The following ACCSL variants were observed in gnomAD, a reference collection of about 807,000 sequenced individuals.
ACCSL encodes 1-aminocyclopropane-1-carboxylate synthase homolog (inactive) like, also known as probable inactive 1-aminocyclopropane-1-carboxylate synthase-like protein 2.
A neutral mutation model predicts 61.7 loss-of-function variants in ACCSL; 55 were observed. The observed-to-expected ratio is 0.89, with a 90% CI of 0.72 to 1.12. The LOEUF (loss-of-function observed/expected upper bound fraction) is 1.12, where lower values mean the gene tolerates loss of function less well. Among genes scored for constraint, ACCSL ranks in the 50% most tolerant of loss-of-function variants. The pLI is 0.00. For synonymous variants in ACCSL, 258 were observed against 264.3 expected, an observed-to-expected ratio of 0.98 and a Z score of 0.23; for missense variants, 632 against 698.0, an observed-to-expected ratio of 0.91 and a Z score of 1.07.
chr11:43,976,716 G>T, the ACCSL span, among the ~76,000 whole-genome samples: 1 of 152,152 alleles, frequency 6.6e-6, no homozygotes, highest in Non-Finnish European at 1.5e-5. Context: ...CCTGGGCCCA[G>T]GCCTGGAAGG....
the ACCSL span, among the ~76,000 whole-genome samples, chr11:44,014,614 C>G: frequency 6.6e-6 from 1 of 152,090 alleles, no homozygotes; most frequent in Non-Finnish European, 1.5e-5. Context: ...ACCAACCTGG[C>G]ACAGTGTGGG....
chr11:43,970,720 A>G, the ACCSL span, among the ~76,000 whole-genome samples: 1 of 152,102 alleles, frequency 6.6e-6, no homozygotes, highest in Non-Finnish European at 1.5e-5. Flanking sequence ...TTGTGCATTC[A>G]TGTATTTATG....
At chr11:44,017,826 G>GGAGA in the ACCSL span, among the ~76,000 whole-genome samples, 3 of 150,848 alleles carry the variant, frequency 2.0e-5, no homozygotes, top group East Asian at 5.9e-4. Flanking sequence ...ACTGACCCTG[G>GGAGA]GAGAGAGAGA....
the ACCSL span, among the ~76,000 whole-genome samples, chr11:44,007,663 G>C: frequency 1.3e-5 from 2 of 152,174 alleles, no homozygotes; most frequent in East Asian, 3.9e-4. Flanking sequence ...CTCTATATGT[G>C]TGACCTTGGG....
At chr11:43,958,436 C>G in the ACCSL span, among the ~76,000 whole-genome samples, 2 of 152,146 alleles carry the variant, frequency 1.3e-5, no homozygotes, top group Non-Finnish European at 2.9e-5. Context: ...TTCACTGGCC[C>G]CCTACCCACC....
the ACCSL span, among the ~76,000 whole-genome samples, chr11:44,001,775 C>CTGTGTG: frequency 0.011 from 1,055 of 96,782 alleles, 15 homozygotes; most frequent in Admixed American, 0.045. Context: ...GGTAAAGGGG[C>CTGTGTG]TGTGTGTGTG....
At chr11:43,968,961 A>G in the ACCSL span, among the ~76,000 whole-genome samples, 1 of 152,170 alleles carries the variant, frequency 6.6e-6, no homozygotes, top group South Asian at 2.1e-4. Flanking sequence ...CCCTTCCTGC[A>G]CTGCCTACTG....
the ACCSL span, among the ~76,000 whole-genome samples, chr11:43,988,576 C>T: frequency 6.6e-6 from 1 of 151,704 alleles, no homozygotes; most frequent in Non-Finnish European, 1.5e-5. Context: ...AAAGCTACAG[C>T]TTCTCCCAGG....
At chr11:43,941,931 G>T in the ACCSL span, among the ~76,000 whole-genome samples, 9 of 152,270 alleles carry the variant, frequency 5.9e-5, no homozygotes, top group South Asian at 1.9e-3. Flanking sequence ...ATGAATGGGG[G>T]TGCCCGAGGG....
At chr11:44,004,225 G>A in the ACCSL span, among the ~76,000 whole-genome samples, 2 of 151,998 alleles carry the variant, frequency 1.3e-5, no homozygotes, top group Non-Finnish European at 2.9e-5. Flanking sequence ...CTAGAACCAC[G>A]TGCACAGAGG....
At chr11:43,951,661 C>G in the ACCSL span, among the ~76,000 whole-genome samples, 2 of 152,136 alleles carry the variant, frequency 1.3e-5, no homozygotes, top group Non-Finnish European at 2.9e-5. Context: ...TTAAAAAATG[C>G]GTAATATGTA....
At chr11:44,058,503 C>T (rs1489887323) in intron 12 of ACCSL, 43 bp from the exon 13 acceptor site, 1 of 1,613,972 alleles carries the variant, frequency 6.2e-7, no homozygotes, top group African/African-American at 1.3e-5. Context: ...GCAGACCTGC[C>T]AGCTGGGTCT....
chr11:43,955,113 A>G, the ACCSL span, among the ~76,000 whole-genome samples: 1 of 152,186 alleles, frequency 6.6e-6, no homozygotes, highest in African/African-American at 2.4e-5. Context: ...TGTCTCCTGT[A>G]TCAACATAAA....
At chr11:44,024,936 C>T in the ACCSL span, among the ~76,000 whole-genome samples, 1 of 152,036 alleles carries the variant, frequency 6.6e-6, no homozygotes, top group African/African-American at 2.4e-5. Flanking sequence ...TTTAAAAATG[C>T]CCTTCTTTGT....
At chr11:43,943,094 C>T in the ACCSL span, 1 of 1,499,308 alleles carries the variant, frequency 6.7e-7, no homozygotes, top group Non-Finnish European at 8.9e-7. This position sits in a 1 kb window ranked among gnomAD's most constrained non-coding sequence, Gnocchi z 4.8. Flanking sequence ...CGACGAGATC[C>T]AGGAGGTGGA....
chr11:43,940,176 C>T, the ACCSL span, among the ~76,000 whole-genome samples: 2 of 152,006 alleles, frequency 1.3e-5, no homozygotes, highest in Admixed American at 6.6e-5. Flanking sequence ...GACTGGGTCT[C>T]ACTATGTTAC....
the ACCSL span, among the ~76,000 whole-genome samples, chr11:43,958,547 T>G: frequency 6.6e-6 from 1 of 152,246 alleles, no homozygotes; most frequent in Non-Finnish European, 1.5e-5. Flanking sequence ...CATGAATTAC[T>G]CTTTCTCTAT....
intron 8 of ACCSL, among the ~76,000 whole-genome samples, chr11:44,054,460 G>GT (rs955301587): frequency 1.6e-5 from 2 of 122,656 alleles, no homozygotes; most frequent in African/African-American, 6.7e-5. Flanking sequence ...TTTTTTTTTT[G>GT]TTTTTTGTTT....
chr11:44,044,470 C>T (rs1952588470), upstream of ACCSL, among the ~76,000 whole-genome samples: 1 of 152,092 alleles, frequency 6.6e-6, no homozygotes, highest in Admixed American at 6.5e-5. Flanking sequence ...CTTGAGCTTT[C>T]AATTTTGCAC....
Sources: allele counts gnomAD v4.1 joint callset (sites outside exome capture counted in the v4.1 genomes callset), GRCh38; gene constraint gnomAD v4.1.1; non-coding constraint Gnocchi (gnomAD v3.1); transcripts MANE v1.5; gene names NCBI Gene and HGNC (gene_info 2026-07-23, HGNC 2026-07-21).